EYS: variants seen among roughly 807,000 people sequenced by gnomAD.
EYS encodes the protein protein eyes shut homolog.
EYS carries 250 observed loss-of-function variants against 282.1 expected under a neutral mutation model. That is an observed-to-expected ratio of 0.89 (90% CI 0.80 to 0.98). EYS has a LOEUF of 0.98. Ranked by LOEUF, EYS falls within the 50% of genes least tolerant of loss-of-function variation. EYS has a pLI of 0.00. For synonymous variants in EYS, 1,355 were observed against 1,282.9 expected (o/e 1.06, Z -1.20); for missense variants, 4,016 against 3,709.0 (o/e 1.08, Z -2.15).
chr6:63,992,881 C>T (rs945584286), intron 34 of EYS, among the ~76,000 whole-genome samples: 1 of 151,644 alleles, frequency 6.6e-6, no homozygotes, highest in Non-Finnish European at 1.5e-5. Context: ...CCCATAATCC[C>T]CACATGTCAA....
chr6:65,688,129 A>T (rs903437053), intron 1 of EYS, among the ~76,000 whole-genome samples: 2 of 152,162 alleles, frequency 1.3e-5, no homozygotes, highest in African/African-American at 4.8e-5. Flanking sequence ...TGCCAAATCA[A>T]TCCTAAGCCA....
intron 11 of EYS, among the ~76,000 whole-genome samples, chr6:65,314,719 C>T (rs1769254992): frequency 6.6e-6 from 1 of 151,570 alleles, no homozygotes; most frequent in South Asian, 2.1e-4. Context: ...ATTCAGTACC[C>T]AAGGATGGGA....
chr6:64,133,507 C>T (rs887615619), intron 31 of EYS, among the ~76,000 whole-genome samples: 1 of 149,262 alleles, frequency 6.7e-6, no homozygotes, highest in Non-Finnish European at 1.5e-5. Context: ...CACACACACA[C>T]ACACACACAG....
chr6:63,981,182 A>C (rs1767072203), intron 35 of EYS, among the ~76,000 whole-genome samples: 1 of 151,548 alleles, frequency 6.6e-6, no homozygotes, highest in African/African-American at 2.4e-5. Context: ...CCTTCAGTAC[A>C]TTTTCTGGTT....
intron 2 of EYS, among the ~76,000 whole-genome samples, chr6:65,600,948 T>A (rs1194784230): frequency 6.6e-6 from 1 of 151,954 alleles, no homozygotes; most frequent in Non-Finnish European, 1.5e-5. Flanking sequence ...TTAGTACAAC[T>A]CATGTCACTT....
Position 63,720,825 on chromosome 6 carries a change from T to A in EYS, c.9206A>T (p.Asp3069Val), listed in dbSNP as rs1356842901. The change falls in exon 43 of 43, where the codon GAT (aspartate) becomes GTT (valine). Residue 3069 changes from aspartate (D) to valine (V), a missense_variant. Physicochemically the swap from Asp to Val is radical, Grantham distance 152. Transcript: ENST00000503581. The part of the protein sequence containing the change: ...YINNSLILSE[D>V]IDPHKNFVAL... The stretch of plus-strand genomic sequence containing the variant: ...CACAAAGTTTTTATGTGGATCAATA[T>A]CCTCGGAAAGAATTAGACTGTTATT... 1 of 1,551,238 alleles carries A rather than the reference T, an allele frequency of 6.4e-7. No homozygotes were observed. Among genetic ancestry groups the A allele is most frequent in the South Asian group, 1.2e-5 (1 of 84,058 alleles).
At chr6:64,129,118 T>C (rs1773881555) in intron 31 of EYS, among the ~76,000 whole-genome samples, 1 of 152,226 alleles carries the variant, frequency 6.6e-6, no homozygotes, top group Admixed American at 6.5e-5. Context: ...ACAGCACAGT[T>C]GAGTAGTTGG....
chr6:64,116,340 A>G (rs968787385), intron 31 of EYS, among the ~76,000 whole-genome samples: 19 of 152,152 alleles, frequency 1.2e-4, no homozygotes, highest in South Asian at 2.1e-4. Flanking sequence ...GTAGTCCAGG[A>G]AAGAATGGGG....
At chr6:64,207,146 G>T (rs1056526222) in intron 31 of EYS, among the ~76,000 whole-genome samples, 1 of 151,994 alleles carries the variant, frequency 6.6e-6, no homozygotes, top group African/African-American at 2.4e-5. Flanking sequence ...GGACGATGGG[G>T]CCTTTAAGAG....
intron 35 of EYS, among the ~76,000 whole-genome samples, chr6:63,905,141 G>A (rs1773744262): frequency 6.6e-6 from 1 of 152,040 alleles, no homozygotes; most frequent in Admixed American, 6.6e-5. Flanking sequence ...CATATAAATG[G>A]AATTCAACAT....
intron 15 of EYS, among the ~76,000 whole-genome samples, chr6:64,945,193 T>C (rs1238538343): frequency 6.7e-6 from 1 of 149,740 alleles, no homozygotes; most frequent in Non-Finnish European, 1.5e-5. Context: ...AGGTGTGATA[T>C]GCTGAATCTA....
intron 2 of EYS, among the ~76,000 whole-genome samples, chr6:65,560,663 C>T (rs1769018143): frequency 6.6e-6 from 1 of 151,592 alleles, no homozygotes; most frequent in Admixed American, 6.6e-5. Flanking sequence ...TTTATTCTTT[C>T]TGAAGAATCT....
At chr6:63,751,487 G>A (rs1386318150) in intron 41 of EYS, among the ~76,000 whole-genome samples, 1 of 152,096 alleles carries the variant, frequency 6.6e-6, no homozygotes, top group Non-Finnish European at 1.5e-5. Context: ...TGGCTTGTAA[G>A]CTCTTCTTTA....
At chr6:64,051,562 C>T (rs1318070740) in intron 33 of EYS, among the ~76,000 whole-genome samples, 2 of 152,008 alleles carry the variant, frequency 1.3e-5, no homozygotes, top group Admixed American at 6.6e-5. Context: ...AGATAAATCC[C>T]ATATGCATTA....
At chr6:64,182,595 C>T (rs1447584181) in intron 31 of EYS, among the ~76,000 whole-genome samples, 1 of 152,146 alleles carries the variant, frequency 6.6e-6, no homozygotes, top group African/African-American at 2.4e-5. Context: ...TTTATCATGT[C>T]TCTGCTACCT....
At chr6:65,444,308 C>G (rs556317185) in intron 5 of EYS, among the ~76,000 whole-genome samples, 1 of 152,030 alleles carries the variant, frequency 6.6e-6, no homozygotes, top group Non-Finnish European at 1.5e-5. Flanking sequence ...GACAACAACA[C>G]AGTGCTAACT....
intron 31 of EYS, among the ~76,000 whole-genome samples, chr6:64,171,394 C>T (rs62415310): frequency 1.1e-4 from 16 of 152,146 alleles, no homozygotes; most frequent in African/African-American, 3.4e-4. Flanking sequence ...AATTCAGGCT[C>T]CTTAGGCTGC....
At chr6:63,722,240 C>T (rs1324441000) in intron 42 of EYS, among the ~76,000 whole-genome samples, 2 of 152,106 alleles carry the variant, frequency 1.3e-5, no homozygotes, top group African/African-American at 4.8e-5. Context: ...TTCAACAACA[C>T]TGACTTTGTT....
chr6:65,286,518 A>C (rs939735244), intron 12 of EYS, among the ~76,000 whole-genome samples: 1 of 151,830 alleles, frequency 6.6e-6, no homozygotes, highest in Non-Finnish European at 1.5e-5. Context: ...TGTAACCCAC[A>C]GAAATATACA....
Sources: allele counts gnomAD v4.1 joint callset (sites outside exome capture counted in the v4.1 genomes callset), GRCh38; gene constraint gnomAD v4.1.1; transcripts MANE v1.5; gene names NCBI Gene and HGNC (gene_info 2026-07-23, HGNC 2026-07-21).